TFPI2: variants seen among roughly 807,000 people sequenced by gnomAD.
TFPI2 encodes the protein tissue factor pathway inhibitor 2.
In TFPI2, 23 loss-of-function variants were observed where a neutral mutation model predicts 23.1. That is an observed-to-expected ratio of 1.00 (90% CI 0.72 to 1.41). The LOEUF is 1.41. TFPI2 is among the 40% of genes most tolerant of loss of function. TFPI2 has a pLI of 0.00. For synonymous variants in TFPI2, 119 were observed against 111.7 expected (o/e 1.07, Z -0.41); for missense variants, 291 against 299.6 (o/e 0.97, Z 0.21).
At chr7:93,890,347 A>C (rs369909340) in intron 1 of TFPI2, 28 bp from the exon 2 acceptor site, 55 of 1,585,722 alleles carry the variant, frequency 3.5e-5, no homozygotes, top group Non-Finnish European at 4.2e-5. Flanking sequence ...GGAGAGCAAA[A>C]GAGAGGGAAA....
intron 3 of TFPI2, 108 bp from the exon 4 acceptor site, chr7:93,887,539 C>A: frequency 2.4e-6 from 2 of 830,662 alleles, no homozygotes; most frequent in South Asian, 1.7e-5. Flanking sequence ...AAGCCTCAGT[C>A]TGAATCCAAA....
In TFPI2 at chr7:93,890,155, C is replaced by T. The variant is rs35683413; in HGVS notation, c.253G>A (p.Ala85Thr). Residue 85 changes from alanine (A) to threonine (T), a missense_variant, in exon 2 of 5, where the codon GCT becomes ACT. Transcript: ENST00000222543. The stretch of plus-strand genomic sequence containing the variant: ...CACTTACTTTCTATCCTCCAGCAAG[C>T]ATCGTCGCAAGCCTCCCAGGTGTAG... ...NFYTWEACDD[A>T]CWRIEKVPKV... The T allele has an allele frequency of 2.0e-3, 3,228 of 1,608,426 alleles. 10 individuals are homozygous for T. The highest frequency in any genetic ancestry group is 1.7e-3 in the Non-Finnish European group (2,031 of 1,175,734).
intron 3 of TFPI2, among the ~76,000 whole-genome samples, chr7:93,888,512 GA>G (rs1445315546): frequency 7.8e-6 from 1 of 127,564 alleles, no homozygotes; most frequent in Admixed American, 8.6e-5. Flanking sequence ...AAGAAAGAAA[GA>G]AAAGAAAGAA....
Position 93,890,641 on chromosome 7 carries a change from A to C in TFPI2, c.38T>G (p.Leu13Arg). ...CAGTGCAGCCTCCGTCAGGAAAAGC[A>C]GCAGAATCGACAGCCCCAGGGGGCG... ...PARPLGLSIL[L>R]LFLTEAALGD... Residue 13 changes from leucine to arginine, a missense_variant, in exon 1 of 5, where the codon CTG (leucine) becomes CGG (arginine). Physicochemically the swap from Leu to Arg is moderately radical, Grantham distance 102. Transcript: ENST00000222543. 2 of 1,613,392 alleles carry C rather than the reference A, an allele frequency of 1.2e-6. No homozygotes were observed. Among genetic ancestry groups the C allele is most frequent in the South Asian group, 1.1e-5 (1 of 91,058 alleles).
Position 93,890,749 on chromosome 7 carries a change from T to G in TFPI2, c.-71A>C, listed in dbSNP as rs1420435798. 6.9e-7 allele frequency: 1 copy of G among 1,444,538 alleles called. No individual in the cohort carries two copies. Among genetic ancestry groups the G allele is most frequent in the Non-Finnish European group, 9.5e-7 (1 of 1,054,812 alleles). 89.5% of individuals were successfully genotyped at this position (1,444,538 alleles called of 1,614,324 possible). A position where few individuals can be genotyped will look rare whatever the true frequency, so the allele number is the denominator to read the frequency against. ...CGCCTGGCGGGAGGAGGTGCGCGGC[T>G]TTCTGCTCCAGGCGGCCCGGGTGCC... On this transcript the variant is annotated 5_prime_UTR_variant, in exon 1 of 5. Coordinates refer to ENST00000222543, the MANE Select transcript of TFPI2 (RefSeq NM_006528.4).
intron 4 of TFPI2, among the ~76,000 whole-genome samples, 172 bp from the exon 5 acceptor site, chr7:93,887,068 T>C (rs1286383356): frequency 6.6e-6 from 1 of 152,172 alleles, no homozygotes; most frequent in Non-Finnish European, 1.5e-5. Flanking sequence ...GATATGAAGA[T>C]ACAGCTACCG....
Position 93,890,740 on chromosome 7 carries a change from G to C in TFPI2, c.-62C>G. ...CCGAGAAAGCGCCTGGCGGGAGGAGGTGCGCGGCTTTCTGCTCCAGGCGGC... is the reference window on the plus strand; with the variant it reads ...CCGAGAAAGCGCCTGGCGGGAGGAGCTGCGCGGCTTTCTGCTCCAGGCGGC... On this transcript the variant is annotated 5_prime_UTR_variant, in exon 1 of 5. Transcript: ENST00000222543. 6.6e-7 allele frequency: 1 copy of C among 1,504,132 alleles called. No homozygotes were observed. Among genetic ancestry groups the C allele is most frequent in the African/African-American group, 1.4e-5 (1 of 70,328 alleles). The allele number at this position is 1,504,132 out of a possible 1,614,324, so 93.2% of individuals were successfully genotyped here. A position where few individuals can be genotyped will look rare whatever the true frequency, so the allele number is the denominator to read the frequency against.
At chr7:93,890,506 C>T (rs1206093183) in intron 1 of TFPI2, 85 bp downstream of exon 1, 38 of 1,487,474 alleles carry the variant, frequency 2.6e-5, no homozygotes, top group Middle Eastern at 1.8e-4. Context: ...GAAAGCGAGG[C>T]TTGGAGGGCG....
At chr7:93,888,524 A>AGAAAGAAAGAAGGAAGGAAG (rs1168242124) in intron 3 of TFPI2, among the ~76,000 whole-genome samples, 1 of 116,528 alleles carries the variant, frequency 8.6e-6, no homozygotes, top group African/African-American at 3.5e-5. Flanking sequence ...AAAGAAAGAA[A>AGAAAGAAAGAAGGAAGGAAG]GAAGGAAGGA....
intron 2 of TFPI2, 67 bp downstream of exon 2, chr7:93,890,070 T>C: frequency 6.8e-7 from 1 of 1,479,040 alleles, no homozygotes; most frequent in Non-Finnish European, 9.1e-7. Context: ...CGTGGGAAAC[T>C]GGCGAAGCTG....
chr7:93,888,589 G>GGAAGGAAGGAAGGAAGGAAGGAGAGAGAA (rs138314368), intron 3 of TFPI2, among the ~76,000 whole-genome samples: 1 of 103,286 alleles, frequency 9.7e-6, no homozygotes, highest in African/African-American at 4.8e-5. Flanking sequence ...AGGAAGGAAA[G>GGAAGGAAGGAAGGAAGGAAGGAGAGAGAA]AGAAAGAAAG....
At chr7:93,888,568 G>A (rs1207911889) in intron 3 of TFPI2, among the ~76,000 whole-genome samples, 2 of 104,524 alleles carry the variant, frequency 1.9e-5, no homozygotes, top group Admixed American at 9.9e-5. Context: ...AAGGAAGGAA[G>A]GAAGGAAGGA....
At chr7:93,888,528 GGAAGGAAGGAAGGAAA>G (rs1425517505) in intron 3 of TFPI2, among the ~76,000 whole-genome samples, 1 of 96,494 alleles carries the variant, frequency 1.0e-5, no homozygotes, top group Non-Finnish European at 1.9e-5. Flanking sequence ...AAAGAAAGAA[GGAAGGAAGGAAGGAAA>G]GAAGGAAGGA....
At chr7:93,887,164 A>C in intron 4 of TFPI2, 97 bp downstream of exon 4, 2 of 1,233,524 alleles carry the variant, frequency 1.6e-6, no homozygotes, top group Non-Finnish European at 2.2e-6. Flanking sequence ...TAGAAACAGC[A>C]ATTTGCTATT....
chr7:93,887,284 T>A lies in TFPI2; in HGVS notation c.608A>T (p.Asp203Val). 1.2e-6 allele frequency: 2 copies of A among 1,611,896 alleles called. No homozygotes were observed. Among genetic ancestry groups the A allele is most frequent in the Non-Finnish European group, 1.7e-6 (2 of 1,179,004 alleles). The stretch of plus-strand genomic sequence containing the variant: ...ACCTTTTGCACATGCACGTTTGCAA[T>A]CCTCCCTGCTAACAAAGTTATTGTC... ...GNDNNFVSRE[D>V]CKRACAKALK... Residue 203 changes from aspartate to valine, a missense_variant, in exon 4 of 5, where the codon GAT becomes GTT. Transcript: ENST00000222543.
chr7:93,888,185 A>G (rs1420856178), intron 3 of TFPI2, among the ~76,000 whole-genome samples: 1 of 152,214 alleles, frequency 6.6e-6, no homozygotes, highest in Admixed American at 6.5e-5. Context: ...TTACTGAAGA[A>G]TACAGAAATC....
intron 3 of TFPI2, 76 bp downstream of exon 3, chr7:93,888,959 G>T (rs1479635319): frequency 1.5e-6 from 2 of 1,308,544 alleles, no homozygotes; most frequent in African/African-American, 1.5e-5. Context: ...TGTTAATTTC[G>T]CATCAAATTG....
Position 93,887,276 on chromosome 7 carries a change from G to A in TFPI2, c.616C>T (p.Arg206Cys), listed in dbSNP as rs767746862. ...NNFVSREDCK[R>C]ACAKALKKKK... is the part of the protein sequence containing the mutation. ...CATTCACTACCTTTTGCACATGCAC[G>A]TTTGCAATCCTCCCTGCTAACAAAG... The change falls in exon 4 of 5, where the codon CGT (arginine) becomes TGT (cysteine). Residue 206 changes from arginine (R) to cysteine (C), a missense_variant. Coordinates refer to ENST00000222543, the MANE Select transcript of TFPI2 (RefSeq NM_006528.4). 3.0e-5 allele frequency: 48 copies of A among 1,610,854 alleles called. No individual in the cohort carries two copies. Among genetic ancestry groups the A allele is most frequent in the Middle Eastern group, 1.6e-4 (1 of 6,066 alleles).
At chr7:93,887,488 T>G in intron 3 of TFPI2, 57 bp from the exon 4 acceptor site, 1 of 1,389,466 alleles carries the variant, frequency 7.2e-7, no homozygotes, top group Non-Finnish European at 1.0e-6. Context: ...TTTTAAATTA[T>G]GGTGATTACT....
Sources: gnomAD v4.1 joint callset for allele counts (sites outside exome capture counted in the v4.1 genomes callset) on GRCh38, gnomAD v4.1.1 for gene constraint, MANE v1.5 for transcripts, NCBI Gene and HGNC (gene_info 2026-07-23, HGNC 2026-07-21) for gene names.